The following FRMD4A variants were observed in gnomAD, a reference collection of about 807,000 sequenced individuals.
FRMD4A encodes the protein FERM domain containing 4A.
In FRMD4A, 29 loss-of-function variants were observed where a neutral mutation model predicts 129.1. The observed-to-expected ratio is 0.22, with a 90% CI of 0.17 to 0.31. The LOEUF is 0.31. FRMD4A is among the 10% of genes least tolerant of loss of function. FRMD4A has a pLI of 1.00. For missense variants in FRMD4A, 1,272 were observed against 1,375.8 expected, an observed-to-expected ratio of 0.92 and a Z score of 1.19; for synonymous variants, 634 against 571.6, an observed-to-expected ratio of 1.11 and a Z score of -1.56.
chr10:13,659,103 A>G (rs1541003), intron 21 of FRMD4A, among the ~76,000 whole-genome samples: 14,930 of 152,094 alleles, frequency 0.098, 2,095 homozygotes, highest in African/African-American at 0.31. Context: ...CTGTCTCCAG[A>G]AGCCCGGGGA....
At chr10:13,788,858 G>A (rs937442429) in intron 5 of FRMD4A, among the ~76,000 whole-genome samples, 1 of 152,196 alleles carries the variant, frequency 6.6e-6, no homozygotes, top group African/African-American at 2.4e-5. Context: ...AAAGCCTCTG[G>A]TTGCAATAGA....
intron 2 of FRMD4A, among the ~76,000 whole-genome samples, chr10:14,162,644 T>G (rs796971191): frequency 0.013 from 1,728 of 134,528 alleles, 33 homozygotes; most frequent in African/African-American, 0.051. Context: ...TTTTTTTGTT[T>G]TTTTTTTTTT....
chr10:13,656,827 C>T lies in FRMD4A; in HGVS notation c.2762G>A (p.Arg921His), dbSNP rs1401432052. 4 of 1,552,124 alleles carry T rather than the reference C, an allele frequency of 2.6e-6. No homozygotes were observed. The highest frequency in any genetic ancestry group is 2.4e-5 in the South Asian group (2 of 83,576). The change falls in exon 22 of 25, where the codon CGT (arginine) becomes CAT (histidine). Residue 921 changes from arginine to histidine, a missense_variant. By Grantham distance (29) the Arg-to-His change is conservative. Transcript: ENST00000357447. ...REGAHDKGAGRAAVSDELRQW... is the reference protein window; with the variant it reads ...REGAHDKGAGHAAVSDELRQW... The stretch of plus-strand genomic sequence containing the variant: ...GCGCAGCTCGTCTGAGACGGCGGCA[C>T]GGCCCGCGCCCTTGTCGTGGGCGCC...
intron 4 of FRMD4A, among the ~76,000 whole-genome samples, chr10:13,797,178 G>A (rs1369034875): frequency 3.9e-5 from 6 of 152,176 alleles, no homozygotes; most frequent in African/African-American, 7.2e-5. Flanking sequence ...ACACTGAAAC[G>A]AAAATGTAAT....
At chr10:13,999,782 C>G (rs1250069488) in intron 2 of FRMD4A, among the ~76,000 whole-genome samples, 1 of 152,220 alleles carries the variant, frequency 6.6e-6, no homozygotes, top group Admixed American at 6.5e-5. Flanking sequence ...TTTTCATGAT[C>G]AAGTTCTCCA....
chr10:13,990,892 G>A (rs2095600936), intron 2 of FRMD4A, among the ~76,000 whole-genome samples: 1 of 152,164 alleles, frequency 6.6e-6, no homozygotes, highest in Non-Finnish European at 1.5e-5. Context: ...CGAGATTCCA[G>A]TAATGATGGT....
intron 2 of FRMD4A, among the ~76,000 whole-genome samples, chr10:13,978,868 C>G (rs1250603038): frequency 6.6e-6 from 1 of 152,150 alleles, no homozygotes; most frequent in Non-Finnish European, 1.5e-5. Context: ...TTAAGCACTC[C>G]CAAGCAGCAA....
At chr10:14,316,983 T>C (rs1425642526) in intron 2 of FRMD4A, among the ~76,000 whole-genome samples, 1 of 152,240 alleles carries the variant, frequency 6.6e-6, no homozygotes, top group Non-Finnish European at 1.5e-5. Context: ...CTCTCTCCCA[T>C]TCTCGCTTTT....
intron 2 of FRMD4A, among the ~76,000 whole-genome samples, chr10:14,329,453 A>C (rs773119867): frequency 6.6e-6 from 1 of 152,194 alleles, no homozygotes; most frequent in Non-Finnish European, 1.5e-5. Flanking sequence ...CCAGAGGGGC[A>C]TAAGGTGAGT....
At chr10:14,069,283 A>C (rs558029794) in intron 2 of FRMD4A, among the ~76,000 whole-genome samples, 1 of 152,350 alleles carries the variant, frequency 6.6e-6, no homozygotes, top group East Asian at 1.9e-4. Flanking sequence ...GCTATAAAAA[A>C]TGACAGTAGC....
At chr10:14,004,178 C>T (rs568905499) in intron 2 of FRMD4A, among the ~76,000 whole-genome samples, 13 of 152,280 alleles carry the variant, frequency 8.5e-5, no homozygotes, top group African/African-American at 3.1e-4. Flanking sequence ...CTTTAGCAAG[C>T]GAATAGCCCT....
intron 12 of FRMD4A, among the ~76,000 whole-genome samples, chr10:13,715,935 G>C: frequency 6.8e-6 from 1 of 147,846 alleles, no homozygotes; most frequent in Non-Finnish European, 1.5e-5. Context: ...GAAATGCTAT[G>C]ATTGTACACA....
chr10:13,996,797 A>G (rs2095624147), intron 2 of FRMD4A, among the ~76,000 whole-genome samples: 1 of 152,202 alleles, frequency 6.6e-6, no homozygotes, highest in Non-Finnish European at 1.5e-5. Flanking sequence ...TTCCAATTTG[A>G]TCCAAATCCA....
At chr10:14,047,917 C>G (rs1834058733) in intron 2 of FRMD4A, among the ~76,000 whole-genome samples, 1 of 152,168 alleles carries the variant, frequency 6.6e-6, no homozygotes, top group Non-Finnish European at 1.5e-5. Flanking sequence ...GCTTTCTTCA[C>G]CACCAAATAG....
chr10:14,126,989 A>C (rs1838878879), intron 2 of FRMD4A, among the ~76,000 whole-genome samples: 2 of 152,246 alleles, frequency 1.3e-5, no homozygotes, highest in Admixed American at 6.5e-5. Context: ...AACAGTGAGC[A>C]AGAATGCACA....
intron 6 of FRMD4A, among the ~76,000 whole-genome samples, chr10:13,773,759 G>A (rs948534885): frequency 1.3e-5 from 2 of 152,234 alleles, no homozygotes; most frequent in East Asian, 3.8e-4. Context: ...CAATCCTGCA[G>A]CCAGAAAGTG....
intron 2 of FRMD4A, among the ~76,000 whole-genome samples, chr10:13,952,849 T>C (rs1193263586): frequency 1.3e-5 from 2 of 152,006 alleles, no homozygotes; most frequent in Admixed American, 6.6e-5. Flanking sequence ...CCCACCACCA[T>C]GTCGGCTAAT....
At chr10:14,101,445 C>T (rs540645011) in intron 2 of FRMD4A, among the ~76,000 whole-genome samples, 2 of 152,284 alleles carry the variant, frequency 1.3e-5, no homozygotes, top group South Asian at 2.1e-4. Context: ...TAGATACTCA[C>T]CATTGGCTGA....
chr10:14,091,283 T>TA (rs200641172), intron 2 of FRMD4A, among the ~76,000 whole-genome samples: 2,295 of 151,764 alleles, frequency 0.015, 29 homozygotes, highest in East Asian at 0.073. Context: ...CACATGGCAT[T>TA]AAAAAAAAGG....
Sources: allele counts gnomAD v4.1 joint callset (sites outside exome capture counted in the v4.1 genomes callset), GRCh38; gene constraint gnomAD v4.1.1; transcripts MANE v1.5; gene names NCBI Gene and HGNC (gene_info 2026-07-23, HGNC 2026-07-21).